SULF1: variants seen among roughly 807,000 people sequenced by gnomAD.
SULF1 encodes extracellular sulfatase Sulf-1.
SULF1 carries 46 observed loss-of-function variants against 110.5 expected under a neutral mutation model. That is an observed-to-expected ratio of 0.42 (90% CI 0.33 to 0.53). The LOEUF (loss-of-function observed/expected upper bound fraction) is 0.53. Among genes scored for constraint, SULF1 ranks in the 20% least tolerant of loss-of-function variants. The pLI, the probability that SULF1 is intolerant of heterozygous loss-of-function variation, is 0.12. For synonymous variants in SULF1, 371 were observed against 387.1 expected, an observed-to-expected ratio of 0.96 and a Z score of 0.49; for missense variants, 941 against 1,094.2, an observed-to-expected ratio of 0.86 and a Z score of 1.98.
intron 3 of SULF1, among the ~76,000 whole-genome samples, chr8:69,545,866 G>T (rs1814224807): frequency 6.6e-6 from 1 of 151,968 alleles, no homozygotes; most frequent in Non-Finnish European, 1.5e-5. Context: ...TGTTTTGTTT[G>T]GTCTTTTTAG....
intron 15 of SULF1, among the ~76,000 whole-genome samples, chr8:69,626,334 C>T (rs980758027): frequency 1.6e-4 from 24 of 152,174 alleles, no homozygotes; most frequent in African/African-American, 5.8e-4. Flanking sequence ...GAGCTAAACA[C>T]AGGATGCTGA....
intron 3 of SULF1, among the ~76,000 whole-genome samples, chr8:69,533,181 C>CT (rs1813218447): frequency 1.3e-5 from 2 of 152,164 alleles, no homozygotes; most frequent in African/African-American, 2.4e-5. Context: ...ATGGTAAAAC[C>CT]TAACTCTGAA....
At chr8:69,599,232 C>T (rs991169143) in intron 8 of SULF1, among the ~76,000 whole-genome samples, 5 of 152,146 alleles carry the variant, frequency 3.3e-5, no homozygotes, top group Non-Finnish European at 7.4e-5. Context: ...CACATTCAGC[C>T]GTCATTATCC....
At chr8:69,554,136 T>A (rs1309935792) in intron 3 of SULF1, among the ~76,000 whole-genome samples, 2 of 152,230 alleles carry the variant, frequency 1.3e-5, no homozygotes, top group African/African-American at 4.8e-5. Flanking sequence ...AGCTCCTTTG[T>A]GTGACAAGTG....
chr8:69,603,538 G>C, intron 11 of SULF1, 62 bp from the exon 12 acceptor site: 1 of 1,401,444 alleles, frequency 7.1e-7, no homozygotes, highest in South Asian at 1.2e-5. Context: ...TAAGCTGTTA[G>C]CACAGATCCA....
At chr8:69,622,827 C>T (rs1415597750) in intron 14 of SULF1, among the ~76,000 whole-genome samples, 2 of 152,036 alleles carry the variant, frequency 1.3e-5, no homozygotes, top group East Asian at 3.9e-4. Flanking sequence ...CGGTTTTCAC[C>T]CTTTCTGCAA....
chr8:69,481,915 A>G (rs185677947), intron 1 of SULF1, among the ~76,000 whole-genome samples: 2 of 152,238 alleles, frequency 1.3e-5, no homozygotes, highest in African/African-American at 4.8e-5. Flanking sequence ...AAAATAAAGT[A>G]TGCCATTTTC....
intron 3 of SULF1, among the ~76,000 whole-genome samples, chr8:69,553,143 A>G (rs774165457): frequency 6.6e-6 from 1 of 152,240 alleles, no homozygotes; most frequent in Non-Finnish European, 1.5e-5. Context: ...CCTTTCTCAT[A>G]TATGATCTCT....
chr8:69,522,743 GAC>G (rs1354071091), intron 3 of SULF1, among the ~76,000 whole-genome samples: 5 of 152,144 alleles, frequency 3.3e-5, no homozygotes, highest in Admixed American at 3.3e-4. Flanking sequence ...GCCGAATGAA[GAC>G]AGTGTTTCAA....
At chr8:69,567,654 A>G (rs552545991) in intron 5 of SULF1, among the ~76,000 whole-genome samples, 46 of 152,298 alleles carry the variant, frequency 3.0e-4, no homozygotes, top group Non-Finnish European at 5.9e-4. Context: ...ATGTTGTAAC[A>G]TGTGTCAGAG....
intron 5 of SULF1, among the ~76,000 whole-genome samples, chr8:69,565,809 G>C (rs951773793): frequency 1.3e-5 from 2 of 152,066 alleles, no homozygotes; most frequent in African/African-American, 4.8e-5. Context: ...CCCCAAGGCT[G>C]TTTCCCTTTC....
chr8:69,478,409 A>G (rs1030878105), intron 1 of SULF1, among the ~76,000 whole-genome samples: 2 of 152,072 alleles, frequency 1.3e-5, no homozygotes, highest in African/African-American at 2.4e-5. Flanking sequence ...AAGAACCTCC[A>G]TGATCTTTTC....
intron 14 of SULF1, among the ~76,000 whole-genome samples, chr8:69,622,395 C>T (rs551775791): frequency 7.9e-5 from 12 of 152,210 alleles, no homozygotes; most frequent in African/African-American, 2.6e-4. Flanking sequence ...CCTGACCAAA[C>T]TGGTGAAACG....
chr8:69,642,115 A>C (rs1811526600), intron 22 of SULF1: 1 of 559,872 alleles, frequency 1.8e-6, no homozygotes, highest in Admixed American at 6.3e-5. Context: ...ATGTGAACTT[A>C]ATTGGTGCCA....
chr8:69,543,149 C>T (rs114694216), intron 3 of SULF1, among the ~76,000 whole-genome samples: 1,851 of 152,188 alleles, frequency 0.012, 34 homozygotes, highest in African/African-American at 0.041. Flanking sequence ...CTAAAAACAC[C>T]ACTGTATACA....
intron 2 of SULF1, among the ~76,000 whole-genome samples, chr8:69,501,027 C>T (rs1339354438): frequency 1.3e-5 from 2 of 152,262 alleles, no homozygotes; most frequent in African/African-American, 4.8e-5. Context: ...AAAAAATCTG[C>T]ACCCATTACC....
At chr8:69,486,011 TC>T (rs1314702765) in intron 1 of SULF1, among the ~76,000 whole-genome samples, 2 of 152,240 alleles carry the variant, frequency 1.3e-5, no homozygotes. Flanking sequence ...TCAATCACCA[TC>T]TTTTTGGGTC....
intron 19 of SULF1, 51 bp from the exon 20 acceptor site, chr8:69,638,451 A>G (rs1194133732): frequency 1.3e-6 from 2 of 1,589,590 alleles, no homozygotes; most frequent in Admixed American, 1.9e-5. Flanking sequence ...AAGCCTGCCT[A>G]AGGTTTTTCA....
At chr8:69,652,164 C>T (rs897459397) in intron 22 of SULF1, among the ~76,000 whole-genome samples, 1 of 152,172 alleles carries the variant, frequency 6.6e-6, no homozygotes, top group Non-Finnish European at 1.5e-5. Context: ...CTACCACCTC[C>T]CTTTCCCTTT....
Sources: allele counts gnomAD v4.1 joint callset (sites outside exome capture counted in the v4.1 genomes callset), GRCh38; gene constraint gnomAD v4.1.1; transcripts MANE v1.5; gene names NCBI Gene and HGNC (gene_info 2026-07-23, HGNC 2026-07-21).